BLNK: variants seen among roughly 807,000 people sequenced by gnomAD.
BLNK encodes B-cell linker protein.
A neutral mutation model predicts 73.5 loss-of-function variants in BLNK; 29 were observed. The ratio of observed to expected loss-of-function variants is 0.39; its 90% CI spans 0.29 to 0.54. The LOEUF is 0.54. BLNK is among the 20% of genes least tolerant of loss of function. BLNK has a pLI of 0.61. For synonymous variants in BLNK, 176 were observed against 200.8 expected, an observed-to-expected ratio of 0.88 and a Z score of 1.04; for missense variants, 460 against 562.8, an observed-to-expected ratio of 0.82 and a Z score of 1.85.
chr10:96,251,486 A>C (rs1166447579), intron 1 of BLNK, among the ~76,000 whole-genome samples: 1 of 152,252 alleles, frequency 6.6e-6, no homozygotes, highest in African/African-American at 2.4e-5. Context: ...GGCATAAAAC[A>C]GCTTCACTTT....
At chr10:96,217,462 C>A (rs587700096) in intron 6 of BLNK, among the ~76,000 whole-genome samples, 1 of 152,332 alleles carries the variant, frequency 6.6e-6, no homozygotes, top group African/African-American at 2.4e-5. Context: ...TTCATATCCT[C>A]ACCAACACTT....
chr10:96,248,598 A>G (rs1384786703), intron 1 of BLNK, among the ~76,000 whole-genome samples: 17 of 152,220 alleles, frequency 1.1e-4, no homozygotes, highest in African/African-American at 3.6e-4. Flanking sequence ...TCTTATGAAA[A>G]TGGTCACAAA....
intron 16 of BLNK, among the ~76,000 whole-genome samples, chr10:96,195,120 T>C (rs1472428702): frequency 6.6e-6 from 1 of 152,096 alleles, no homozygotes; most frequent in African/African-American, 2.4e-5. Flanking sequence ...TTACACCCAT[T>C]TGGACGGCTA....
chr10:96,256,733 C>T (rs1023490122), intron 1 of BLNK, among the ~76,000 whole-genome samples: 10 of 151,918 alleles, frequency 6.6e-5, no homozygotes, highest in South Asian at 4.2e-4. Flanking sequence ...ATAGAAAAAT[C>T]GGCTGGCAGT....
intron 6 of BLNK, among the ~76,000 whole-genome samples, chr10:96,216,952 C>A (rs2084081685): frequency 6.6e-6 from 1 of 152,108 alleles, no homozygotes; most frequent in Non-Finnish European, 1.5e-5. Flanking sequence ...CAAAAAGAAA[C>A]CTTGCACCCA....
intron 1 of BLNK, among the ~76,000 whole-genome samples, chr10:96,258,668 A>G (rs1283844275): frequency 1.3e-5 from 2 of 152,134 alleles, no homozygotes; most frequent in Admixed American, 1.3e-4. Context: ...AGCTGTGATT[A>G]TAGTACAAGC....
chr10:96,205,750 A>G (rs2083784036), intron 11 of BLNK, among the ~76,000 whole-genome samples: 3 of 152,142 alleles, frequency 2.0e-5, no homozygotes, highest in South Asian at 2.1e-4. Context: ...AATAAATAAC[A>G]AAGGAGGGGG....
Position 96,270,033 on chromosome 10 carries a change from A to G in BLNK, c.47+1319T>C, listed in dbSNP as rs538838998. ...TTCTTACATTCCTTCTGTCGCTTAC[A>G]GCTTCCATTGTATCACCCCCGCCCC... On this transcript the variant is annotated intron_variant, in intron 1 of 16. Transcript: ENST00000224337. Among the ~76,000 whole-genome samples the G allele has an allele frequency of 2.0e-5, 3 of 152,246 alleles. No individual in the cohort carries two copies. In the South Asian group the frequency reaches 6.2e-4, roughly 32 times the overall value.
chr10:96,269,390 A>G (rs1438600298), intron 1 of BLNK, among the ~76,000 whole-genome samples: 1 of 150,712 alleles, frequency 6.6e-6, no homozygotes, highest in Non-Finnish European at 1.5e-5. Flanking sequence ...GCATTTCTGT[A>G]TAGTTCTACA....
intron 4 of BLNK, 146 bp from the exon 5 acceptor site, chr10:96,227,712 A>G: frequency 7.9e-7 from 1 of 1,267,848 alleles, no homozygotes; most frequent in Non-Finnish European, 1.1e-6. Context: ...AGCCGATAAG[A>G]GGCAAAGCTG....
chr10:96,254,070 A>G (rs1173772912), intron 1 of BLNK, among the ~76,000 whole-genome samples: 4 of 151,890 alleles, frequency 2.6e-5, no homozygotes, highest in Non-Finnish European at 4.4e-5. Context: ...AAAAAAAAGG[A>G]TTAGGCCAGG....
At chr10:96,245,570 T>C (rs1843012308) in intron 2 of BLNK, among the ~76,000 whole-genome samples, 1 of 152,208 alleles carries the variant, frequency 6.6e-6, no homozygotes, top group African/African-American at 2.4e-5. Context: ...GCCACCAATA[T>C]ATAGCTAGTT....
Position 96,190,084 on chromosome 10 carries a change from G to T in BLNK, c.*1889C>A, listed in dbSNP as rs1261834964. ...CTTTGCACCAGCCCCTAAACTGACC[G>T]TTCTTAAGGATAACTGGTGCTCATT... On this transcript the variant is annotated 3_prime_UTR_variant, in exon 17 of 17. Transcript: ENST00000224337. 13 of 879,076 alleles carry T rather than the reference G, an allele frequency of 1.5e-5. No individual in the cohort carries two copies. The highest frequency in any genetic ancestry group is 2.3e-5 in the Non-Finnish European group (12 of 524,826). The allele number at this position is 879,076 out of a possible 1,614,324, so 54.5% of individuals were successfully genotyped here.
At chr10:96,254,444 A>G (rs182880176) in intron 1 of BLNK, among the ~76,000 whole-genome samples, 1 of 152,260 alleles carries the variant, frequency 6.6e-6, no homozygotes, top group East Asian at 1.9e-4. Context: ...CTGGTGTCAG[A>G]GCAGGGACTC....
chr10:96,246,899 A>G (rs1554907729), intron 2 of BLNK, 85 bp downstream of exon 2: 2 of 1,009,474 alleles, frequency 2.0e-6, no homozygotes, highest in East Asian at 2.6e-5. Context: ...CTTCTCATCC[A>G]GGTAACAGAG....
At chr10:96,267,857 A>G (rs902145879) in intron 1 of BLNK, among the ~76,000 whole-genome samples, 1 of 152,232 alleles carries the variant, frequency 6.6e-6, no homozygotes. Context: ...AATTAGAATA[A>G]CAACAGTAAT....
At chr10:96,269,731 G>A (rs183595812) in intron 1 of BLNK, among the ~76,000 whole-genome samples, 1 of 152,224 alleles carries the variant, frequency 6.6e-6, no homozygotes, top group Admixed American at 6.5e-5. Flanking sequence ...ACCATCCTTT[G>A]CAACCTGGAC....
chr10:96,247,986 C>T (rs1554908063), intron 1 of BLNK, among the ~76,000 whole-genome samples: 2 of 152,200 alleles, frequency 1.3e-5, no homozygotes, highest in Admixed American at 6.5e-5. Flanking sequence ...TTCATTGTTT[C>T]ATTCTTCTGT....
chr10:96,200,034 T>G lies in BLNK; in HGVS notation c.1095+41A>C. The G allele has an allele frequency of 7.8e-7, 1 of 1,287,056 alleles. No homozygotes were observed. The highest frequency in any genetic ancestry group is 1.0e-6 in the Non-Finnish European group (1 of 989,212). The allele number at this position is 1,287,056 out of a possible 1,614,324, so 79.7% of individuals were successfully genotyped here. A position where few individuals can be genotyped will look rare whatever the true frequency, so the allele number is the denominator to read the frequency against. ...ATCATCTCAAAACAAATAAATAAAA[T>G]AAAATAAAATAAAAATAATAAATAA... On this transcript the variant is annotated intron_variant, in intron 15 of 16. Transcript: ENST00000224337. The surrounding 1 kb of genome is among the most constrained non-coding windows in gnomAD (Gnocchi z 4.3).
Sources: gnomAD v4.1 joint callset for allele counts (sites outside exome capture counted in the v4.1 genomes callset) on GRCh38, gnomAD v4.1.1 for gene constraint, Gnocchi (gnomAD v3.1) non-coding constraint, MANE v1.5 for transcripts, NCBI Gene and HGNC (gene_info 2026-07-23, HGNC 2026-07-21) for gene names.